Variants in HOXD1 observed in about 807,000 individuals in gnomAD.
HOXD1 encodes homeobox D1.
A neutral mutation model predicts 19.9 loss-of-function variants in HOXD1; 17 were observed. That is an observed-to-expected ratio of 0.85 (90% CI 0.58 to 1.28). The LOEUF (loss-of-function observed/expected upper bound fraction) is 1.28. Among genes scored for constraint, HOXD1 ranks in the 50% most tolerant of loss-of-function variants. HOXD1 has a pLI of 0.00. For missense variants in HOXD1, 500 were observed against 460.1 expected (o/e 1.09, Z -0.79); for synonymous variants, 239 against 216.0 (o/e 1.11, Z -0.93).
chr2:176,188,887 G>C lies in HOXD1; in HGVS notation c.86G>C (p.Arg29Pro). ...CTCAGCTTGGCACCCAAGTTCTGCC[G>C]CTCCGACGCCCGGCCCGTGGCTCTG... Reference protein sequence around the residue: ...DVLSLAPKFCRSDARPVALQP... With the variant: ...DVLSLAPKFCPSDARPVALQP... Residue 29 changes from arginine to proline, a missense_variant, in exon 1 of 2, where the codon CGC (arginine) becomes CCC (proline). Arg to Pro is a moderately radical substitution (Grantham distance 103). Coordinates refer to ENST00000331462, the MANE Select transcript of HOXD1 (RefSeq NM_024501.3). The C allele has an allele frequency of 2.5e-6, 4 of 1,595,370 alleles. No individual in the cohort carries two copies. In the South Asian group the frequency reaches 4.5e-5, roughly 18 times the overall value.
Position 176,188,840 on chromosome 2 carries a change from C to T in HOXD1, c.39C>T (p.Ser13=), listed in dbSNP as rs779498756. The change falls in exon 1 of 2, where the codon AGC becomes AGT. Residue 13 remains serine (S), a synonymous_variant. Transcript: ENST00000331462. ...SYLEYVSCSS[S]GGVGGDVLSL... ...TGGAGTACGTGTCATGCAGCAGCAG[C>T]GGCGGGGTCGGCGGCGACGTGCTCA... is the stretch of plus-strand genomic sequence containing the variant. The T allele has an allele frequency of 1.2e-6, 2 of 1,605,870 alleles. No individual in the cohort carries two copies. Among genetic ancestry groups the T allele is most frequent in the African/African-American group, 1.3e-5 (1 of 74,384 alleles).
In HOXD1 at chr2:176,190,514, A is replaced by C. The variant is rs556404052; in HGVS notation, c.*372A>C. The C allele has an allele frequency of 5.8e-5, 12 of 206,708 alleles. No individual in the cohort carries two copies. The highest frequency in any genetic ancestry group is 9.6e-5 in the Non-Finnish European group (10 of 104,360). The allele number at this position is 206,708 out of a possible 1,614,324, so 12.8% of individuals were successfully genotyped here. A position where few individuals can be genotyped will look rare whatever the true frequency, so the allele number is the denominator to read the frequency against. On this transcript the variant is annotated 3_prime_UTR_variant, in exon 2 of 2. Transcript: ENST00000331462. ...GATGTGCTCAGAAGAGCACCTGCCCAAAGTTTTTCTGGTTTTAATTTAAAG... is the reference window on the plus strand; with the variant it reads ...GATGTGCTCAGAAGAGCACCTGCCCCAAGTTTTTCTGGTTTTAATTTAAAG...
Position 176,189,006 on chromosome 2 carries a change from C to G in HOXD1, c.205C>G (p.Pro69Ala). ...ACCCTCGCCTTCGCCCCCGGCCGCC[C>G]CCGCGCGGCCGTCCGTACCGCCTCC... is the stretch of plus-strand genomic sequence containing the variant. The part of the protein sequence containing the change: ...ARPSPSPPAA[P>A]ARPSVPPPAA... Residue 69 changes from proline to alanine, a missense_variant, in exon 1 of 2, where the codon CCC becomes GCC. Transcript: ENST00000331462. The G allele has an allele frequency of 7.0e-7, 1 of 1,419,490 alleles. No homozygotes were observed. 87.9% of individuals were successfully genotyped at this position (1,419,490 alleles called of 1,614,324 possible). A position where few individuals can be genotyped will look rare whatever the true frequency, so the allele number is the denominator to read the frequency against.
In HOXD1 at chr2:176,189,843, A is replaced by T. The variant is rs1347496395; in HGVS notation, c.688A>T (p.Ser230Cys). Residue 230 changes from serine (S) to cysteine (C), a missense_variant, in exon 2 of 2, where the codon AGC (serine) becomes TGC (cysteine). Coordinates refer to ENST00000331462, the MANE Select transcript of HOXD1 (RefSeq NM_024501.3). ...LAEYGAASPS[S>C]AIRTNFSTKQ... ...CGAGTATGGGGCCGCTAGCCCCTCCAGCGCGATCCGCACGAATTTCAGCAC... is the reference window on the plus strand; with the variant it reads ...CGAGTATGGGGCCGCTAGCCCCTCCTGCGCGATCCGCACGAATTTCAGCAC... 2.5e-6 allele frequency: 4 copies of T among 1,614,064 alleles called. No homozygotes were observed. Among genetic ancestry groups the T allele is most frequent in the Non-Finnish European group, 3.4e-6 (4 of 1,180,030 alleles).
rs748080098 is a variant in HOXD1, at chr2:176,189,445, C to G, written c.644C>G (p.Ser215Cys). 1.9e-6 allele frequency: 3 copies of G among 1,612,058 alleles called. No homozygotes were observed. Among genetic ancestry groups the G allele is most frequent in the Non-Finnish European group, 2.5e-6 (3 of 1,179,244 alleles). The change falls in exon 1 of 2, where the codon TCT (serine) becomes TGT (cysteine). Residue 215 changes from serine to cysteine, a missense_variant. Ser to Cys is a moderately radical substitution (Grantham distance 112). Transcript: ENST00000331462. ...TGGATGAAAGTGAAGAGGAATGCCT[C>G]TAAGAAAGGTAAGTCCGCGGGCCTT... ...FEWMKVKRNA[S>C]KKGKLAEYGA...
At chr2:176,189,613 T>C (rs1691750223) in intron 1 of HOXD1, 160 bp downstream of exon 1, 5 of 1,563,164 alleles carry the variant, frequency 3.2e-6, no homozygotes, top group Admixed American at 3.9e-5. Context: ...CTGCCTCGAG[T>C]ACAGATTCGG....
In HOXD1 at chr2:176,188,886, C is replaced by G. The variant is rs776701979; in HGVS notation, c.85C>G (p.Arg29Gly). ...DVLSLAPKFCRSDARPVALQP... is the reference protein window; with the variant it reads ...DVLSLAPKFCGSDARPVALQP... ...GCTCAGCTTGGCACCCAAGTTCTGC[C>G]GCTCCGACGCCCGGCCCGTGGCTCT... Residue 29 changes from arginine (R) to glycine (G), a missense_variant, in exon 1 of 2, where the codon CGC (arginine) becomes GGC (glycine). Transcript: ENST00000331462. 1.1e-5 allele frequency: 17 copies of G among 1,595,862 alleles called. No homozygotes were observed. Among genetic ancestry groups the G allele is most frequent in the African/African-American group, 2.7e-5 (2 of 73,938 alleles).
rs767507629 is a variant in HOXD1 at position 176,189,126 on chromosome 2, C to A, written c.325C>A (p.Leu109Met). The change falls in exon 1 of 2, where the codon CTG (leucine) becomes ATG (methionine). Residue 109 changes from leucine to methionine, a missense_variant. Physicochemically the swap from Leu to Met is conservative, Grantham distance 15. Coordinates refer to ENST00000331462, the MANE Select transcript of HOXD1 (RefSeq NM_024501.3). ...AGCTGGGGGCGCGGACTACGGCTTC[C>A]TGGGGTCCGGGCCGGCGTACGACTT... ...AAAGGADYGF[L>M]GSGPAYDFPG... 1 of 1,566,464 alleles carries A rather than the reference C, an allele frequency of 6.4e-7. No individual in the cohort carries two copies. Among genetic ancestry groups the A allele is most frequent in the Non-Finnish European group, 8.6e-7 (1 of 1,162,322 alleles).
intron 1 of HOXD1, 79 bp downstream of exon 1, chr2:176,189,532 T>C: frequency 6.2e-7 from 1 of 1,608,830 alleles, no homozygotes; most frequent in Non-Finnish European, 8.5e-7. Flanking sequence ...GGGAGCGTGG[T>C]GTCGCTGCCT....
chr2:176,189,314 C>G lies in HOXD1; in HGVS notation c.513C>G (p.Ala171=), dbSNP rs1414409833. Residue 171 remains alanine, a synonymous_variant, in exon 1 of 2, where the codon GCC becomes GCG. Coordinates refer to ENST00000331462, the MANE Select transcript of HOXD1 (RefSeq NM_024501.3). ...TTCCGGCTTGTCTCAAAGCGTCAGC[C>G]GACGGCCACCCTGGTGCTTTCCAGA... ...GPFPACLKAS[A]DGHPGAFQTA... is the part of the protein sequence containing the mutation. The G allele has an allele frequency of 1.9e-6, 3 of 1,611,578 alleles. No individual in the cohort carries two copies. Among genetic ancestry groups the G allele is most frequent in the East Asian group, 2.2e-5 (1 of 44,778 alleles).
chr2:176,189,122 C>T lies in HOXD1; in HGVS notation c.321C>T (p.Gly107=), dbSNP rs904876805. The change falls in exon 1 of 2, where the codon GGC becomes GGT. Residue 107 remains glycine (G), a synonymous_variant. Transcript: ENST00000331462. The part of the protein sequence containing the change: ...PAAAAGGADY[G]FLGSGPAYDF... Reference sequence around the variant, plus strand: ...CGGCAGCTGGGGGCGCGGACTACGGCTTCCTGGGGTCCGGGCCGGCGTACG... The same window carrying T: ...CGGCAGCTGGGGGCGCGGACTACGGTTTCCTGGGGTCCGGGCCGGCGTACG... The T allele has an allele frequency of 5.8e-6, 9 of 1,561,520 alleles. No homozygotes were observed. The highest frequency in any genetic ancestry group is 7.8e-6 in the Non-Finnish European group (9 of 1,160,262).
intron 1 of HOXD1, 118 bp downstream of exon 1, chr2:176,189,571 G>A: frequency 1.3e-6 from 2 of 1,583,750 alleles, no homozygotes; most frequent in South Asian, 1.1e-5. Context: ...GTTTTGTGGA[G>A]GAGACGCGTT....
rs779462638 is a variant in HOXD1, at chr2:176,189,882, G to A, written c.727G>A (p.Glu243Lys). The A allele has an allele frequency of 1.5e-5, 25 of 1,614,176 alleles. No homozygotes were observed. The highest frequency in any genetic ancestry group is 2.1e-5 in the Non-Finnish European group (25 of 1,180,026). Residue 243 changes from glutamate to lysine, a missense_variant, in exon 2 of 2, where the codon GAA becomes AAA. Coordinates refer to ENST00000331462, the MANE Select transcript of HOXD1 (RefSeq NM_024501.3). ...GAATTTCAGCACCAAGCAACTGACA[G>A]AACTGGAAAAAGAGTTTCATTTCAA... Reference protein sequence around the residue: ...RTNFSTKQLTELEKEFHFNKY... With the variant: ...RTNFSTKQLTKLEKEFHFNKY...
At position 176,189,158 on chromosome 2, in the gene HOXD1, C is replaced by A. The variant is rs781723785; in HGVS notation, c.357C>A (p.Gly119=). ...CCGGGCCGGCGTACGACTTCCCGGG[C>A]GTGCTGGGGCGGGCGGCCGACGACG... ...LGSGPAYDFP[G]VLGRAADDGG... Residue 119 remains glycine (G), a synonymous_variant, in exon 1 of 2, where the codon GGC becomes GGA. Transcript: ENST00000331462. 6.3e-6 allele frequency: 10 copies of A among 1,590,504 alleles called. No homozygotes were observed. The highest frequency in any genetic ancestry group is 8.5e-6 in the Non-Finnish European group (10 of 1,172,210).
Position 176,188,726 on chromosome 2 carries a change from G to C in HOXD1, c.-76G>C, listed in dbSNP as rs767764673. The C allele has an allele frequency of 6.2e-6, 9 of 1,461,642 alleles. No homozygotes were observed. Among genetic ancestry groups the C allele is most frequent in the Middle Eastern group, 1.8e-4 (1 of 5,624 alleles). The allele number at this position is 1,461,642 out of a possible 1,614,324, so 90.5% of individuals were successfully genotyped here. On this transcript the variant is annotated 5_prime_UTR_variant, in exon 1 of 2. Transcript: ENST00000331462. ...GGGCTGGCGGAGCGGCGCAGACGGC[G>C]GCAGTCCTGCTCAGCCTCTGCCCGG...
chr2:176,188,998 C>G lies in HOXD1; in HGVS notation c.197C>G (p.Pro66Arg), dbSNP rs758946357. ...GCCGCCCGACCCTCGCCTTCGCCCCCGGCCGCCCCCGCGCGGCCGTCCGTA... is the reference window on the plus strand; with the variant it reads ...GCCGCCCGACCCTCGCCTTCGCCCCGGGCCGCCCCCGCGCGGCCGTCCGTA... ...LAAARPSPSP[P>R]AAPARPSVPP... The change falls in exon 1 of 2, where the codon CCG (proline) becomes CGG (arginine). Residue 66 changes from proline to arginine, a missense_variant. By Grantham distance (103) the Pro-to-Arg change is moderately radical. Coordinates refer to ENST00000331462, the MANE Select transcript of HOXD1 (RefSeq NM_024501.3). 3,017 of 1,426,728 alleles carry G rather than the reference C, an allele frequency of 2.1e-3. 7 individuals carry two copies. Among genetic ancestry groups the G allele is most frequent in the Non-Finnish European group, 2.4e-3 (2,647 of 1,103,644 alleles). 88.4% of individuals were successfully genotyped at this position (1,426,728 alleles called of 1,614,324 possible). A position where few individuals can be genotyped will look rare whatever the true frequency, so the allele number is the denominator to read the frequency against.
rs1691740903 is a variant in HOXD1, at chr2:176,189,302, C to CA, written c.504dup (p.Ala169SerfsTer48). Reference sequence around the variant, plus strand: ...AACCCGGCCCTTTTCCGGCTTGTCTCAAAGCGTCAGCCGACGGCCACCCTG... The same window carrying CA: ...AACCCGGCCCTTTTCCGGCTTGTCTCAAAAGCGTCAGCCGACGGCCACCCTG... On this transcript the variant is annotated frameshift_variant, in exon 1 of 2. Coordinates refer to ENST00000331462, the MANE Select transcript of HOXD1 (RefSeq NM_024501.3). LOFTEE classifies it high-confidence loss of function. 3 of 1,610,506 alleles carry CA rather than the reference C, an allele frequency of 1.9e-6. No homozygotes were observed. Among genetic ancestry groups the CA allele is most frequent in the Non-Finnish European group, 2.5e-6 (3 of 1,179,028 alleles).
At chr2:176,189,541 C>G (rs1303629565) in intron 1 of HOXD1, 88 bp downstream of exon 1, 13 of 1,605,616 alleles carry the variant, frequency 8.1e-6, no homozygotes, top group Non-Finnish European at 1.1e-5. Context: ...GTGTCGCTGC[C>G]TTTCCAGACA....
Position 176,189,463 on chromosome 2 carries a change from C to CG in HOXD1, c.652+13dup, listed in dbSNP as rs1691746364. 6.2e-7 allele frequency: 1 copy of CG among 1,611,582 alleles called. No homozygotes were observed. The highest frequency in any genetic ancestry group is 8.5e-7 in the Non-Finnish European group (1 of 1,178,960). On this transcript the variant is annotated intron_variant, in intron 1 of 1. Coordinates refer to ENST00000331462, the MANE Select transcript of HOXD1 (RefSeq NM_024501.3). ...AATGCCTCTAAGAAAGGTAAGTCCG[C>CG]GGGCCTTGGATGGGGCCACCTGGGG...
Sources: allele counts gnomAD v4.1 joint callset, GRCh38; gene constraint gnomAD v4.1.1; transcripts MANE v1.5; gene names NCBI Gene and HGNC (gene_info 2026-07-23, HGNC 2026-07-21).